MBOAT1: variants seen among roughly 807,000 people sequenced by gnomAD.
MBOAT1 encodes membrane-bound glycerophospholipid O-acyltransferase 1.
MBOAT1 carries 67 observed loss-of-function variants against 64.4 expected under a neutral mutation model. The ratio of observed to expected loss-of-function variants is 1.04; its 90% confidence interval spans 0.85 to 1.27. The LOEUF is 1.27. Ranked by LOEUF, MBOAT1 falls within the 50% of genes most tolerant of loss-of-function variation. The pLI, the probability that MBOAT1 is intolerant of heterozygous loss-of-function variation, is 0.00. For synonymous variants in MBOAT1, 229 were observed against 218.9 expected (o/e 1.05, Z -0.41); for missense variants, 563 against 604.6 (o/e 0.93, Z 0.72).
chr6:20,195,645 T>C (rs1762935573), intron 1 of MBOAT1, among the ~76,000 whole-genome samples: 1 of 150,788 alleles, frequency 6.6e-6, no homozygotes, highest in African/African-American at 2.5e-5. Flanking sequence ...GCATGTGCAC[T>C]AATCCTTGAA....
intron 1 of MBOAT1, among the ~76,000 whole-genome samples, chr6:20,162,087 C>A (rs1235539343): frequency 6.6e-6 from 1 of 152,024 alleles, no homozygotes; most frequent in Non-Finnish European, 1.5e-5. Context: ...TGGATTAGGA[C>A]CCACTGTAAT....
intron 8 of MBOAT1, among the ~76,000 whole-genome samples, chr6:20,123,442 C>A (rs1222978716): frequency 6.6e-6 from 1 of 152,194 alleles, no homozygotes; most frequent in Non-Finnish European, 1.5e-5. Context: ...CTTTCCCAGT[C>A]TCTAAGTATA....
At chr6:20,170,803 G>A (rs1458394338) in intron 1 of MBOAT1, among the ~76,000 whole-genome samples, 4 of 152,010 alleles carry the variant, frequency 2.6e-5, no homozygotes, top group South Asian at 2.1e-4. Flanking sequence ...CTCTTTACCT[G>A]GGCAAAAAAC....
intron 3 of MBOAT1, among the ~76,000 whole-genome samples, chr6:20,150,752 T>C (rs1176895573): frequency 6.6e-6 from 1 of 151,040 alleles, no homozygotes; most frequent in East Asian, 1.9e-4. Flanking sequence ...TTTTTTTTTT[T>C]TGTATTTTTA....
intron 3 of MBOAT1, among the ~76,000 whole-genome samples, chr6:20,148,031 T>C (rs1761377832): frequency 6.6e-6 from 1 of 152,220 alleles, no homozygotes; most frequent in African/African-American, 2.4e-5. Flanking sequence ...GGTAAACTGA[T>C]GCCTGTGACT....
intron 12 of MBOAT1, among the ~76,000 whole-genome samples, chr6:20,103,015 A>T (rs1759846949): frequency 6.6e-6 from 1 of 152,256 alleles, no homozygotes; most frequent in Non-Finnish European, 1.5e-5. Flanking sequence ...GATAATGACA[A>T]TGAATGATTA....
intron 3 of MBOAT1, among the ~76,000 whole-genome samples, chr6:20,148,711 C>A (rs2113688106): frequency 6.6e-6 from 1 of 152,240 alleles, no homozygotes; most frequent in South Asian, 2.1e-4. Context: ...AAACAGGAAA[C>A]AACGTTGAGA....
At chr6:20,158,064 G>A (rs1302103059) in intron 1 of MBOAT1, among the ~76,000 whole-genome samples, 1 of 150,978 alleles carries the variant, frequency 6.6e-6, no homozygotes, top group Non-Finnish European at 1.5e-5. Flanking sequence ...GCTGAGGCAG[G>A]ACAATCGCTG....
At chr6:20,206,950 T>C (rs1484372218) in intron 1 of MBOAT1, among the ~76,000 whole-genome samples, 1 of 152,058 alleles carries the variant, frequency 6.6e-6, no homozygotes, top group Non-Finnish European at 1.5e-5. Flanking sequence ...TCGCAAGAAG[T>C]TTTCCTCTTC....
intron 11 of MBOAT1, among the ~76,000 whole-genome samples, chr6:20,111,869 C>CAT (rs1196064015): frequency 8.0e-6 from 1 of 124,292 alleles, no homozygotes; most frequent in Non-Finnish European, 1.6e-5. Context: ...CATATATATA[C>CAT]ATATATATAT....
intron 1 of MBOAT1, among the ~76,000 whole-genome samples, chr6:20,158,547 C>T (rs1336819413): frequency 1.3e-5 from 2 of 152,134 alleles, no homozygotes; most frequent in Non-Finnish European, 2.9e-5. Flanking sequence ...CCCAAAAGCA[C>T]AGGCAACAAA....
intron 4 of MBOAT1, among the ~76,000 whole-genome samples, chr6:20,140,167 T>C (rs544401249): frequency 6.6e-6 from 1 of 152,362 alleles, no homozygotes; most frequent in African/African-American, 2.4e-5. Flanking sequence ...TTCATGTTTA[T>C]ACTTCCTTCC....
At chr6:20,190,963 C>T (rs1762785387) in intron 1 of MBOAT1, among the ~76,000 whole-genome samples, 1 of 152,164 alleles carries the variant, frequency 6.6e-6, no homozygotes, top group African/African-American at 2.4e-5. Flanking sequence ...AACCTACCTT[C>T]CTAAAGTTTC....
chr6:20,127,066 T>C (rs1469552396), intron 6 of MBOAT1, among the ~76,000 whole-genome samples: 1 of 152,198 alleles, frequency 6.6e-6, no homozygotes, highest in African/African-American at 2.4e-5. Context: ...CCTGACCTAA[T>C]GTTAGCGGAT....
chr6:20,212,396 T>A lies in MBOAT1; in HGVS notation c.-162A>T. 2 of 636,288 alleles carry A rather than the reference T, an allele frequency of 3.1e-6. No homozygotes were observed. Among genetic ancestry groups the A allele is most frequent in the South Asian group, 2.0e-5 (1 of 51,172 alleles). 39.4% of individuals were successfully genotyped at this position (636,288 alleles called of 1,614,324 possible). Reference sequence around the variant, plus strand: ...CCGGGGAATGCGAACCGGCGCAAACTCTCGAGGCGCAAACTCTCGAGGCGC... The same window carrying A: ...CCGGGGAATGCGAACCGGCGCAAACACTCGAGGCGCAAACTCTCGAGGCGC... On this transcript the variant is annotated 5_prime_UTR_variant, in exon 1 of 13. Coordinates refer to ENST00000324607, the MANE Select transcript of MBOAT1 (RefSeq NM_001080480.3).
At chr6:20,145,261 G>A (rs1761297716) in intron 3 of MBOAT1, among the ~76,000 whole-genome samples, 1 of 152,128 alleles carries the variant, frequency 6.6e-6, no homozygotes, top group African/African-American at 2.4e-5. Context: ...GATACAAGAA[G>A]ACGGCAGTCT....
chr6:20,203,813 A>T (rs1321840509), intron 1 of MBOAT1, among the ~76,000 whole-genome samples: 1 of 152,100 alleles, frequency 6.6e-6, no homozygotes, highest in Non-Finnish European at 1.5e-5. Flanking sequence ...AAAAAAAAAA[A>T]AAATAGGAGA....
chr6:20,198,914 C>A (rs893359807), intron 1 of MBOAT1, among the ~76,000 whole-genome samples: 2 of 152,160 alleles, frequency 1.3e-5, no homozygotes, highest in African/African-American at 4.8e-5. Context: ...ATTTTAAGTT[C>A]GACCTAAATG....
At chr6:20,182,421 C>T (rs1472017678) in intron 1 of MBOAT1, among the ~76,000 whole-genome samples, 2 of 152,184 alleles carry the variant, frequency 1.3e-5, no homozygotes, top group Non-Finnish European at 2.9e-5. Context: ...TTTGGAAGGA[C>T]ACAAACATTC....
Sources: gnomAD v4.1 joint callset for allele counts (sites outside exome capture counted in the v4.1 genomes callset) on GRCh38, gnomAD v4.1.1 for gene constraint, MANE v1.5 for transcripts, NCBI Gene and HGNC (gene_info 2026-07-23, HGNC 2026-07-21) for gene names.